The following ROBO2 variants were observed in gnomAD, a reference collection of about 807,000 sequenced individuals.
ROBO2 encodes the protein roundabout homolog 2.
ROBO2 carries 53 observed loss-of-function variants against 160.8 expected under a neutral mutation model. That is an observed-to-expected ratio of 0.33 (90% CI 0.26 to 0.41). The LOEUF is 0.41. Ranked by LOEUF, ROBO2 falls within the 10% of genes least tolerant of loss-of-function variation. The probability of loss-of-function intolerance (pLI) is 1.00; values close to 1 mark genes in which losing one functional copy is unlikely to be tolerated. For missense variants in ROBO2, 1,577 were observed against 1,722.4 expected (o/e 0.92, Z 1.49); for synonymous variants, 664 against 611.7 (o/e 1.09, Z -1.26).
chr3:76,794,238 T>C (rs1254086729), intron 2 of ROBO2, among the ~76,000 whole-genome samples: 1 of 152,006 alleles, frequency 6.6e-6, no homozygotes, highest in Non-Finnish European at 1.5e-5. Context: ...TTTTGCCTTA[T>C]ATATTTACGT....
chr3:77,253,260 A>G (rs115354659), intron 2 of ROBO2, among the ~76,000 whole-genome samples: 4,726 of 152,292 alleles, frequency 0.031, 84 homozygotes, highest in Middle Eastern at 0.041. Flanking sequence ...CTTTTAAAAA[A>G]TGGATTTAGA....
At chr3:76,488,923 GT>G (rs1313608858) in intron 2 of ROBO2, among the ~76,000 whole-genome samples, 6 of 151,786 alleles carry the variant, frequency 4.0e-5, no homozygotes, top group African/African-American at 1.5e-4. Flanking sequence ...TTTTTGTGCA[GT>G]TCTTACTTTT....
intron 2 of ROBO2, among the ~76,000 whole-genome samples, chr3:76,026,008 A>T (rs1429408218): frequency 1.3e-5 from 2 of 151,902 alleles, no homozygotes; most frequent in African/African-American, 4.8e-5. Flanking sequence ...CACTGTATTT[A>T]TTCTGCAAAA....
At chr3:77,040,371 C>T (rs1403809030) in exon 1 of ROBO2, 11 of 1,005,568 alleles carry the variant, frequency 1.1e-5, no homozygotes, top group Non-Finnish European at 1.3e-5. Flanking sequence ...CGGCAGCGCG[C>T]TGGCAAGTTT....
intron 4 of ROBO2, among the ~76,000 whole-genome samples, chr3:77,490,025 T>G (rs938331569): frequency 6.6e-6 from 1 of 152,122 alleles, no homozygotes; most frequent in Non-Finnish European, 1.5e-5. Context: ...TCATATTTCC[T>G]TTTTCTTACT....
intron 2 of ROBO2, among the ~76,000 whole-genome samples, chr3:76,380,547 C>T (rs1354112571): frequency 6.6e-6 from 1 of 152,038 alleles, no homozygotes; most frequent in Admixed American, 6.6e-5. Flanking sequence ...TTCGCCTCCT[C>T]CTTATGGTTT....
intron 2 of ROBO2, among the ~76,000 whole-genome samples, chr3:76,854,990 A>G (rs1476176974): frequency 6.6e-6 from 1 of 152,154 alleles, no homozygotes; most frequent in Non-Finnish European, 1.5e-5. Context: ...TTCCTTGTCT[A>G]TAAAATTGCT....
chr3:76,696,381 C>CTT (rs35396854), intron 2 of ROBO2, among the ~76,000 whole-genome samples: 14 of 135,956 alleles, frequency 1.0e-4, no homozygotes, highest in Non-Finnish European at 1.8e-4. Flanking sequence ...AAATGGATCT[C>CTT]TTTTTTTTTT....
intron 2 of ROBO2, among the ~76,000 whole-genome samples, chr3:76,637,664 A>T (rs1254660265): frequency 6.6e-6 from 1 of 152,218 alleles, no homozygotes; most frequent in Non-Finnish European, 1.5e-5. Flanking sequence ...ACTCAGTGAA[A>T]GGTGAGCTTT....
chr3:76,643,905 T>C (rs2121792), intron 2 of ROBO2, among the ~76,000 whole-genome samples: 151,736 of 152,238 alleles, frequency 1, 75,619 homozygotes, highest in Middle Eastern at 1. Context: ...AAAAAGAGTA[T>C]ATCTGTGGAG....
chr3:76,125,225 A>C (rs1051296458), intron 2 of ROBO2, among the ~76,000 whole-genome samples: 1 of 152,082 alleles, frequency 6.6e-6, no homozygotes, highest in African/African-American at 2.4e-5. Flanking sequence ...TATGTACCAC[A>C]ATTTCTTTAT....
At chr3:77,327,515 G>T (rs2065527018) in intron 2 of ROBO2, among the ~76,000 whole-genome samples, 2 of 152,078 alleles carry the variant, frequency 1.3e-5, no homozygotes, top group South Asian at 4.1e-4. Context: ...TTGAAAACCG[G>T]ACCCATTATT....
Position 77,050,428 on chromosome 3 carries a change from G to A in ROBO2, c.61+9582G>A, listed in dbSNP as rs150925985. Reference sequence around the variant, plus strand: ...TACCCCATCTCTATCATGGGTTAGCGTAGAAACTGAGTAGGAGAAATGTAA... The same window carrying A: ...TACCCCATCTCTATCATGGGTTAGCATAGAAACTGAGTAGGAGAAATGTAA... On this transcript the variant is annotated intron_variant, in intron 1 of 25. Transcript: ENST00000461745. Among the ~76,000 whole-genome samples the A allele has an allele frequency of 2.5e-3, 376 of 152,182 alleles. 1 individual carries two copies. The highest frequency in any genetic ancestry group is 6.2e-3 in the South Asian group (30 of 4,820).
intron 2 of ROBO2, among the ~76,000 whole-genome samples, chr3:76,773,450 G>A (rs2062041329): frequency 6.6e-6 from 1 of 150,688 alleles, no homozygotes; most frequent in African/African-American, 2.4e-5. Context: ...ATACATACAT[G>A]CACCTTACCT....
intron 2 of ROBO2, among the ~76,000 whole-genome samples, chr3:76,152,671 G>T (rs1296937669): frequency 6.6e-6 from 1 of 151,926 alleles, no homozygotes; most frequent in Non-Finnish European, 1.5e-5. Flanking sequence ...CTTACAAATT[G>T]GCATTGTCTA....
intron 6 of ROBO2, among the ~76,000 whole-genome samples, chr3:77,528,977 A>G (rs1297690629): frequency 6.6e-6 from 1 of 151,566 alleles, no homozygotes; most frequent in Admixed American, 6.6e-5. Context: ...AAAGAATGAG[A>G]AAGAATAAGA....
chr3:76,726,200 T>G (rs1475865184), intron 2 of ROBO2, among the ~76,000 whole-genome samples: 6 of 152,176 alleles, frequency 3.9e-5, no homozygotes, highest in Non-Finnish European at 1.5e-5. Context: ...TCCAGGCTGA[T>G]CTTGTAAACA....
intron 2 of ROBO2, among the ~76,000 whole-genome samples, chr3:77,296,318 C>G (rs149294232): frequency 6.6e-6 from 1 of 151,868 alleles, no homozygotes; most frequent in Non-Finnish European, 1.5e-5. Context: ...GATGGTTAAA[C>G]GGGCAAGCTG....
chr3:77,289,867 A>T (rs1421301875), intron 2 of ROBO2, among the ~76,000 whole-genome samples: 1 of 152,082 alleles, frequency 6.6e-6, no homozygotes, highest in East Asian at 1.9e-4. Context: ...GACATAAAGT[A>T]AAATTAATGG....
Sources: gnomAD v4.1 joint callset for allele counts (sites outside exome capture counted in the v4.1 genomes callset) on GRCh38, gnomAD v4.1.1 for gene constraint, MANE v1.5 for transcripts, NCBI Gene and HGNC (gene_info 2026-07-23, HGNC 2026-07-21) for gene names.